The following DPYS variants were observed in gnomAD, a reference collection of about 807,000 sequenced individuals.
The protein encoded by DPYS is dihydropyrimidinase, also known as dihydropyrimidine amidohydrolase.
In DPYS, 39 loss-of-function variants were observed where a neutral mutation model predicts 50.3. That is an observed-to-expected ratio of 0.78 (90% CI 0.60 to 1.01). DPYS has a LOEUF of 1.01. DPYS is among the 50% of genes least tolerant of loss of function. The probability of loss-of-function intolerance (pLI) is 0.00; values close to 1 mark genes in which losing one functional copy is unlikely to be tolerated. For missense variants in DPYS, 659 were observed against 680.9 expected (o/e 0.97, Z 0.36); for synonymous variants, 245 against 250.7 (o/e 0.98, Z 0.22).
At chr8:104,447,705 C>T (rs1813587540) in intron 2 of DPYS, among the ~76,000 whole-genome samples, 1 of 152,202 alleles carries the variant, frequency 6.6e-6, no homozygotes, top group Non-Finnish European at 1.5e-5. Flanking sequence ...ACTGCTGCTG[C>T]TCTCATACTT....
chr8:104,421,830 T>A (rs1677627936), intron 7 of DPYS, among the ~76,000 whole-genome samples: 1 of 152,186 alleles, frequency 6.6e-6, no homozygotes. Context: ...TGTGCTATTC[T>A]GAAACAACTG....
chr8:104,462,029 A>G (rs1050217831), intron 1 of DPYS, among the ~76,000 whole-genome samples: 153 of 152,276 alleles, frequency 1.0e-3, no homozygotes, highest in African/African-American at 3.6e-3. Context: ...CTTTATACTC[A>G]TCTGTATTTT....
chr8:104,457,694 C>G (rs982269115), intron 1 of DPYS, among the ~76,000 whole-genome samples: 3 of 152,194 alleles, frequency 2.0e-5, no homozygotes, highest in Admixed American at 2.0e-4. Context: ...CTCTCACAAT[C>G]ACTGAAACCT....
chr8:104,386,488 A>C lies in DPYS; in HGVS notation c.1444-5174T>G, dbSNP rs1811216623. On this transcript the variant is annotated intron_variant, in intron 8 of 9. Coordinates refer to ENST00000351513, the MANE Select transcript of DPYS (RefSeq NM_001385.3). ...GTGGAGGTTGCAGTGAGCCAAGATC[A>C]TCCCACTGCACTCTAGTCTGGGCAA... Among the ~76,000 whole-genome samples the C allele has an allele frequency of 2.0e-5, 3 of 151,664 alleles. No individual in the cohort carries two copies. The South Asian group carries it at 6.3e-4, about 32-fold the overall frequency.
At chr8:104,439,626 A>T (rs1007117603) in intron 4 of DPYS, among the ~76,000 whole-genome samples, 2 of 152,098 alleles carry the variant, frequency 1.3e-5, no homozygotes, top group South Asian at 2.1e-4. Context: ...CTACAAAAAA[A>T]TTTTAAAAAT....
chr8:104,427,878 C>G, intron 6 of DPYS, 102 bp downstream of exon 6: 1 of 1,579,144 alleles, frequency 6.3e-7, no homozygotes, highest in South Asian at 1.1e-5. Context: ...TAAAAACAAT[C>G]AAAAAGCTTC....
intron 1 of DPYS, among the ~76,000 whole-genome samples, chr8:104,465,740 T>C (rs1814354157): frequency 1.3e-5 from 2 of 152,216 alleles, no homozygotes; most frequent in Admixed American, 1.3e-4. Flanking sequence ...TGGGCCGCAT[T>C]CAAAGCTGTC....
At chr8:104,436,440 T>G (rs1408783387) in intron 4 of DPYS, among the ~76,000 whole-genome samples, 17 of 151,990 alleles carry the variant, frequency 1.1e-4, no homozygotes, top group Non-Finnish European at 8.8e-5. Flanking sequence ...CGAAACCCTG[T>G]CTCTACTAAA....
chr8:104,431,511 A>G (rs1812955264), intron 4 of DPYS, among the ~76,000 whole-genome samples: 1 of 151,810 alleles, frequency 6.6e-6, no homozygotes. Context: ...CTATTTCACT[A>G]TTTCTAAGGC....
chr8:104,449,632 T>C (rs1813661792), intron 2 of DPYS, among the ~76,000 whole-genome samples: 1 of 152,190 alleles, frequency 6.6e-6, no homozygotes. Context: ...CATGTGCGCT[T>C]TATCCAATGT....
chr8:104,467,011 G>T lies in DPYS; in HGVS notation c.-91C>A. 1.5e-6 allele frequency: 2 copies of T among 1,330,786 alleles called. No individual in the cohort carries two copies. Among genetic ancestry groups the T allele is most frequent in the Non-Finnish European group, 1.9e-6 (2 of 1,039,360 alleles). 82.4% of individuals were successfully genotyped at this position (1,330,786 alleles called of 1,614,324 possible). On this transcript the variant is annotated 5_prime_UTR_variant, in exon 1 of 10. Transcript: ENST00000351513. ...GCGGGCTTGGGGTGCCCTCCTGCAAGGTCCCCACCGACAGCCCCCGAGCTC... is the reference window on the plus strand; with the variant it reads ...GCGGGCTTGGGGTGCCCTCCTGCAATGTCCCCACCGACAGCCCCCGAGCTC...
intron 7 of DPYS, among the ~76,000 whole-genome samples, chr8:104,399,309 AACAACAAC>A (rs1811705578): frequency 2.8e-5 from 1 of 35,796 alleles, no homozygotes; most frequent in Non-Finnish European, 1.1e-4. Flanking sequence ...AAAAAAAAAA[AACAACAAC>A]AAAAAAAAAC....
At position 104,466,627 on chromosome 8, in the gene DPYS, CGCGGGGCGGGGGCGCG is replaced by C. The variant is rs1814410174; in HGVS notation, c.264+14_264+29del. On this transcript the variant is annotated intron_variant, in intron 1 of 9. Transcript: ENST00000351513. Reference sequence around the variant, plus strand: ...AGGCTGCCCGAGCCTCCGTGGGTACCGCGGGGCGGGGGCGCGGCGGGGCGGGTACCTTGGTGCCCTG... The same window carrying C: ...AGGCTGCCCGAGCCTCCGTGGGTACCGCGGGGCGGGTACCTTGGTGCCCTG... 6.7e-7 allele frequency: 1 copy of C among 1,500,872 alleles called. No individual in the cohort carries two copies. Among genetic ancestry groups the C allele is most frequent in the Admixed American group, 2.1e-5 (1 of 48,482 alleles). The allele number at this position is 1,500,872 out of a possible 1,614,324, so 93.0% of individuals were successfully genotyped here.
At chr8:104,452,510 C>G (rs946892836) in intron 1 of DPYS, among the ~76,000 whole-genome samples, 36 of 152,158 alleles carry the variant, frequency 2.4e-4, no homozygotes, top group African/African-American at 8.2e-4. Context: ...GTACCTAAAC[C>G]ATAGGCTTGA....
chr8:104,383,200 G>T (rs1399086111), intron 8 of DPYS, among the ~76,000 whole-genome samples: 2 of 152,212 alleles, frequency 1.3e-5, no homozygotes, highest in Non-Finnish European at 2.9e-5. Flanking sequence ...AATCCTTCCT[G>T]GTAGCTTCCG....
chr8:104,446,205 AATATCTC>A (rs1188050341), intron 3 of DPYS, among the ~76,000 whole-genome samples: 2 of 152,198 alleles, frequency 1.3e-5, no homozygotes, highest in African/African-American at 4.8e-5. Flanking sequence ...CTTGTATCAA[AATATCTC>A]ATGCACCTCA....
At chr8:104,439,377 C>A (rs1298120534) in intron 4 of DPYS, among the ~76,000 whole-genome samples, 1 of 151,986 alleles carries the variant, frequency 6.6e-6, no homozygotes, top group African/African-American at 2.4e-5. Context: ...TCATTTCCAC[C>A]CCCAAAATTA....
intron 8 of DPYS, among the ~76,000 whole-genome samples, chr8:104,387,785 G>A (rs1423217711): frequency 6.6e-6 from 1 of 152,220 alleles, no homozygotes; most frequent in Non-Finnish European, 1.5e-5. Context: ...GATAAAGCAT[G>A]AAAAAGAGTA....
intron 8 of DPYS, among the ~76,000 whole-genome samples, chr8:104,383,895 C>G (rs1397683085): frequency 1.3e-5 from 2 of 152,152 alleles, no homozygotes; most frequent in Admixed American, 6.5e-5. Flanking sequence ...AGCCACTGAG[C>G]CTGGCCTGGG....
Sources: allele counts gnomAD v4.1 joint callset (sites outside exome capture counted in the v4.1 genomes callset), GRCh38; gene constraint gnomAD v4.1.1; transcripts MANE v1.5; gene names NCBI Gene and HGNC (gene_info 2026-07-23, HGNC 2026-07-21).